The following CD84 variants were observed in gnomAD, a reference collection of about 807,000 sequenced individuals.
The protein encoded by CD84 is CD84 molecule.
In CD84, 22 loss-of-function variants were observed where a neutral mutation model predicts 33.8. The ratio of observed to expected loss-of-function variants is 0.65; its 90% CI spans 0.46 to 0.93. The LOEUF (loss-of-function observed/expected upper bound fraction) is 0.93, where lower values mean the gene tolerates loss of function less well. Ranked by LOEUF, CD84 falls within the 40% of genes least tolerant of loss-of-function variation. The probability of loss-of-function intolerance (pLI) is 0.00; values close to 1 mark genes in which losing one functional copy is unlikely to be tolerated. For missense variants in CD84, 400 were observed against 397.6 expected (o/e 1.01, Z -0.05); for synonymous variants, 154 against 145.2 (o/e 1.06, Z -0.44).
chr1:160,557,963 A>C (rs1656715341), intron 2 of CD84, among the ~76,000 whole-genome samples: 1 of 152,182 alleles, frequency 6.6e-6, no homozygotes. Context: ...AGGGTTATAC[A>C]GACAGAGTTT....
chr1:160,568,867 C>T (rs1010650940), intron 1 of CD84, among the ~76,000 whole-genome samples: 3 of 152,110 alleles, frequency 2.0e-5, no homozygotes, highest in Admixed American at 6.6e-5. Flanking sequence ...ATGCTCTGCC[C>T]GCCTCAGCCT....
chr1:160,560,603 A>G (rs1656888384), intron 2 of CD84, among the ~76,000 whole-genome samples: 1 of 152,128 alleles, frequency 6.6e-6, no homozygotes, highest in Non-Finnish European at 1.5e-5. Flanking sequence ...CCAAAAACAA[A>G]CAAACCCCAA....
At chr1:160,573,668 T>C (rs542214495) in intron 1 of CD84, among the ~76,000 whole-genome samples, 3 of 152,266 alleles carry the variant, frequency 2.0e-5, no homozygotes, top group African/African-American at 7.2e-5. Context: ...CCCCACCCCA[T>C]CCTTCTCTCT....
chr1:160,547,726 A>G lies in CD84; in HGVS notation c.*530T>C, dbSNP rs11265434. 7,098 of 158,638 alleles carry G rather than the reference A, an allele frequency of 0.045. 273 individuals are homozygous for G. The highest frequency in any genetic ancestry group is 0.11 in the African/African-American group (4,391 of 41,648). 9.8% of individuals were successfully genotyped at this position (158,638 alleles called of 1,614,324 possible). A position where few individuals can be genotyped will look rare whatever the true frequency, so the allele number is the denominator to read the frequency against. ...TGCATCTGCCTCAAGCGAAGGGTAC[A>G]TTTTCCTAATTTGCTCAAGATGCGT... On this transcript the variant is annotated 3_prime_UTR_variant, in exon 7 of 7. Transcript: ENST00000368054.
At chr1:160,564,277 A>C (rs965219097) in intron 2 of CD84, among the ~76,000 whole-genome samples, 1 of 152,234 alleles carries the variant, frequency 6.6e-6, no homozygotes, top group African/African-American at 2.4e-5. Context: ...ATGAAAAATA[A>C]TAACACCAAA....
intron 5 of CD84, chr1:160,550,736 A>G (rs771404414): frequency 7.5e-4 from 734 of 985,200 alleles, no homozygotes; most frequent in Non-Finnish European, 8.2e-4. Flanking sequence ...GGAGGCTGCC[A>G]TGGGGTGACA....
chr1:160,569,191 G>A (rs1386351773), intron 1 of CD84, among the ~76,000 whole-genome samples: 1 of 152,172 alleles, frequency 6.6e-6, no homozygotes, highest in East Asian at 1.9e-4. Flanking sequence ...TATATCAAAA[G>A]CCATTTTTAA....
In CD84 at chr1:160,551,013, T is replaced by A. The variant is rs1377072092; in HGVS notation, c.783A>T (p.Ile261=). The change falls in exon 5 of 7, where the codon ATA becomes ATT. Residue 261 remains isoleucine, a synonymous_variant. Coordinates refer to ENST00000368054, the MANE Select transcript of CD84 (RefSeq NM_003874.4). ...TCCTTGAAGCCATGATATATGTGTA[T>A]ATGGTTTTCTTTGAGGCAGCATCTG... is the stretch of plus-strand genomic sequence containing the variant. ...RRQDAASKKT[I]YTYIMASRNT... 1 of 1,613,920 alleles carries A rather than the reference T, an allele frequency of 6.2e-7. No homozygotes were observed. The highest frequency in any genetic ancestry group is 1.1e-5 in the South Asian group (1 of 91,076).
chr1:160,553,208 A>C, intron 4 of CD84, 170 bp downstream of exon 4: 3 of 1,057,592 alleles, frequency 2.8e-6, no homozygotes, highest in Non-Finnish European at 4.3e-6. Flanking sequence ...CATTCAGGGT[A>C]ATGTCATACC....
At chr1:160,570,791 G>C (rs1657646624) in intron 1 of CD84, 2 of 152,274 alleles carry the variant, frequency 1.3e-5, no homozygotes, top group African/African-American at 4.8e-5. Context: ...GAGCCCAAGG[G>C]GGTCAAGGTT....
At chr1:160,574,308 A>G (rs76529199) in intron 1 of CD84, among the ~76,000 whole-genome samples, 3,784 of 152,178 alleles carry the variant, frequency 0.025, 163 homozygotes, top group African/African-American at 0.086. Flanking sequence ...GCTAACTGCA[A>G]TTTCTTTCTA....
chr1:160,573,842 C>T (rs1388430085), intron 1 of CD84, among the ~76,000 whole-genome samples: 3 of 152,164 alleles, frequency 2.0e-5, no homozygotes, highest in Non-Finnish European at 4.4e-5. Flanking sequence ...ACTGTTCCTC[C>T]AAGAACTAGT....
chr1:160,565,193 T>A (rs1657241641), intron 2 of CD84, among the ~76,000 whole-genome samples: 1 of 125,212 alleles, frequency 8.0e-6, no homozygotes, highest in African/African-American at 3.8e-5. Flanking sequence ...GGGGACCAAC[T>A]ACTGATGGAA....
chr1:160,558,824 C>T (rs1035793732), intron 2 of CD84, among the ~76,000 whole-genome samples: 1 of 151,968 alleles, frequency 6.6e-6, no homozygotes. Context: ...AACCACAACA[C>T]GAGATACTGA....
At chr1:160,550,654 G>A (rs747084049) in intron 5 of CD84, 45 of 985,350 alleles carry the variant, frequency 4.6e-5, no homozygotes, top group Middle Eastern at 5.2e-4. Context: ...TCTAGGGGGC[G>A]CCTTGCTCCT....
rs570194602 is a variant in CD84 at position 160,559,816 on chromosome 1, G to A, written c.388+5588C>T. On this transcript the variant is annotated intron_variant, in intron 2 of 6. Coordinates refer to ENST00000368054, the MANE Select transcript of CD84 (RefSeq NM_003874.4). ...CCAAGCAAATGGGAAACAGAAAAAA[G>A]CAGAAGTTACAATCCTAGTTTCTGA... 3.6e-4 allele frequency among the ~76,000 whole-genome samples: 55 copies of A among 152,110 alleles called. No individual in the cohort carries two copies. The South Asian group carries it at 0.011, about 30-fold the overall frequency.
intron 1 of CD84, among the ~76,000 whole-genome samples, chr1:160,567,895 C>T (rs1571377968): frequency 6.6e-6 from 1 of 152,250 alleles, no homozygotes; most frequent in Admixed American, 6.5e-5. Flanking sequence ...TATGCAGTTG[C>T]ACAGAACCCT....
At chr1:160,573,812 C>G (rs1314703027) in intron 1 of CD84, among the ~76,000 whole-genome samples, 2 of 152,154 alleles carry the variant, frequency 1.3e-5, no homozygotes, top group Admixed American at 6.6e-5. Context: ...GAATGTGAGT[C>G]TTTGTCTGTT....
In CD84 at chr1:160,564,951, A is replaced by G. The variant is rs184587232; in HGVS notation, c.388+453T>C. On this transcript the variant is annotated intron_variant, in intron 2 of 6. Transcript: ENST00000368054. ...AGCTCTATAGATTGTGCTAATGTCA[A>G]TTTCCTGTTTTTGATATTGTGCTAT... Among the ~76,000 whole-genome samples, 264 of 152,308 alleles carry G rather than the reference A, an allele frequency of 1.7e-3. 3 individuals are homozygous for G. Among genetic ancestry groups the G allele is most frequent in the Non-Finnish European group, 2.7e-3 (185 of 68,022 alleles).
Sources: allele counts gnomAD v4.1 joint callset (sites outside exome capture counted in the v4.1 genomes callset), GRCh38; gene constraint gnomAD v4.1.1; transcripts MANE v1.5; gene names NCBI Gene and HGNC (gene_info 2026-07-23, HGNC 2026-07-21).